CPXM2: variants seen among roughly 807,000 people sequenced by gnomAD.
CPXM2 encodes carboxypeptidase X, M14 family member 2, also known as inactive carboxypeptidase-like protein X2.
A neutral mutation model predicts 86.1 loss-of-function variants in CPXM2; 66 were observed. The ratio of observed to expected loss-of-function variants is 0.77; its 90% CI spans 0.63 to 0.94. CPXM2 has a LOEUF of 0.94. Among genes scored for constraint, CPXM2 ranks in the 40% least tolerant of loss-of-function variants. CPXM2 has a pLI of 0.00. For missense variants in CPXM2, 948 were observed against 1,026.3 expected, an observed-to-expected ratio of 0.92 and a Z score of 1.04; for synonymous variants, 388 against 400.2, an observed-to-expected ratio of 0.97 and a Z score of 0.36.
At chr10:123,789,224 C>A (rs989565655) in intron 6 of CPXM2, among the ~76,000 whole-genome samples, 16 of 152,220 alleles carry the variant, frequency 1.1e-4, no homozygotes. Context: ...CAGGCACAGC[C>A]TCACCTGATC....
At chr10:123,855,358 GA>G (rs1402088515) in intron 3 of CPXM2, among the ~76,000 whole-genome samples, 22 of 152,108 alleles carry the variant, frequency 1.4e-4, no homozygotes, top group Admixed American at 1.3e-4. Flanking sequence ...GCATAGCCAG[GA>G]AAAACAAAAA....
intron 4 of CPXM2, among the ~76,000 whole-genome samples, chr10:123,799,595 G>A (rs1847409132): frequency 6.6e-6 from 1 of 152,128 alleles, no homozygotes; most frequent in African/African-American, 2.4e-5. Context: ...AAATAATCTG[G>A]GTAAAGGTTG....
At chr10:123,751,216 G>A (rs1466549797) in intron 13 of CPXM2, 2 of 236,020 alleles carry the variant, frequency 8.5e-6, no homozygotes, top group Non-Finnish European at 1.4e-5. Context: ...AGAGATGTTT[G>A]TATTTATTTA....
chr10:123,929,592 G>A (rs1206146295), intron 2 of CPXM2, among the ~76,000 whole-genome samples: 1 of 152,192 alleles, frequency 6.6e-6, no homozygotes, highest in Non-Finnish European at 1.5e-5. Flanking sequence ...TTGGATCCCA[G>A]TGTAGAGTGG....
At chr10:123,782,182 A>G (rs1589993041) in intron 6 of CPXM2, among the ~76,000 whole-genome samples, 1 of 152,350 alleles carries the variant, frequency 6.6e-6, no homozygotes, top group Non-Finnish European at 1.5e-5. Flanking sequence ...ACCACACCTC[A>G]GGCAAGCTGC....
intron 4 of CPXM2, among the ~76,000 whole-genome samples, chr10:123,801,088 T>C (rs1475563629): frequency 1.3e-5 from 2 of 152,202 alleles, no homozygotes; most frequent in East Asian, 3.8e-4. Flanking sequence ...TCCTCCCTGA[T>C]ACGGTTTGGC....
At chr10:123,930,068 G>C (rs1046581045) in intron 2 of CPXM2, among the ~76,000 whole-genome samples, 1 of 152,130 alleles carries the variant, frequency 6.6e-6, no homozygotes, top group African/African-American at 2.4e-5. Context: ...CTCCACCCCT[G>C]TCTTCCACGC....
intron 2 of CPXM2, among the ~76,000 whole-genome samples, chr10:123,917,539 G>A (rs1945543600): frequency 6.6e-6 from 1 of 152,208 alleles, no homozygotes; most frequent in African/African-American, 2.4e-5. Flanking sequence ...AATAATAGAT[G>A]TAAAGCCTCA....
chr10:123,798,173 A>G lies in CPXM2; in HGVS notation c.739-47T>C, dbSNP rs201472332. 1.5e-5 allele frequency: 22 copies of G among 1,516,964 alleles called. No individual in the cohort carries two copies. The East Asian group carries it at 5.3e-4, about 36-fold the overall frequency. The allele number at this position is 1,516,964 out of a possible 1,614,324, so 94.0% of individuals were successfully genotyped here. A position where few individuals can be genotyped will look rare whatever the true frequency, so the allele number is the denominator to read the frequency against. ...AAGGAAAATCTTTTAGTGCTTAATTACCAAGGGATAAAAAGTCAGAATTCA... is the reference window on the plus strand; with the variant it reads ...AAGGAAAATCTTTTAGTGCTTAATTGCCAAGGGATAAAAAGTCAGAATTCA... On this transcript the variant is annotated intron_variant, in intron 5 of 13. Coordinates refer to ENST00000241305, the MANE Select transcript of CPXM2 (RefSeq NM_198148.3).
chr10:123,755,546 TACTAAAA>T (rs1846185569), intron 12 of CPXM2, among the ~76,000 whole-genome samples: 1 of 152,218 alleles, frequency 6.6e-6, no homozygotes, highest in Admixed American at 6.5e-5. Context: ...GAAACACATT[TACTAAAA>T]ACTGAAATTT....
chr10:123,818,216 A>G (rs1847852100), intron 4 of CPXM2, among the ~76,000 whole-genome samples: 3 of 152,328 alleles, frequency 2.0e-5, no homozygotes, highest in Admixed American at 1.3e-4. Flanking sequence ...ATCACTCAGC[A>G]TCTTTCCCCA....
chr10:123,832,090 G>A (rs1277596958), intron 4 of CPXM2, among the ~76,000 whole-genome samples: 1 of 152,144 alleles, frequency 6.6e-6, no homozygotes, highest in Non-Finnish European at 1.5e-5. Context: ...TATGACTATG[G>A]TGGTATAAAG....
chr10:123,765,648 A>G (rs1262364736), intron 10 of CPXM2, among the ~76,000 whole-genome samples: 2 of 152,234 alleles, frequency 1.3e-5, no homozygotes, highest in Admixed American at 6.5e-5. Context: ...TGGAAGACTC[A>G]GGGGCCTCCC....
In CPXM2 at chr10:123,885,972, C is replaced by T. The variant is rs910994327; in HGVS notation, c.304+5384G>A. Among the ~76,000 whole-genome samples the T allele has an allele frequency of 2.0e-5, 3 of 152,196 alleles. No homozygotes were observed. The highest frequency in any genetic ancestry group is 4.4e-5 in the Non-Finnish European group (3 of 68,032). On this transcript the variant is annotated intron_variant, in intron 1 of 13. Coordinates refer to ENST00000241305, the MANE Select transcript of CPXM2 (RefSeq NM_198148.3). The surrounding 1 kb of genome is among the most constrained non-coding windows in gnomAD (Gnocchi z 4.0). ...TGTGTCCTCCTTTATTATCCATGCG[C>T]GAGCCCTGGTTTCTGGAACCTTGGG...
chr10:123,766,465 T>TAAGA (rs1391674127), intron 10 of CPXM2, among the ~76,000 whole-genome samples: 1 of 152,176 alleles, frequency 6.6e-6, no homozygotes, highest in Non-Finnish European at 1.5e-5. Context: ...GGAAAGATAA[T>TAAGA]AAGAGGTATG....
chr10:123,916,112 C>A (rs1945532224), intron 2 of CPXM2, among the ~76,000 whole-genome samples: 1 of 152,134 alleles, frequency 6.6e-6, no homozygotes, highest in Non-Finnish European at 1.5e-5. Context: ...AATACCTGTG[C>A]AAACCCAAAT....
rs1454909615 is a variant in CPXM2, at chr10:123,862,665, G to C, written c.462C>G (p.Ser154=). 1 of 1,614,068 alleles carries C rather than the reference G, an allele frequency of 6.2e-7. No homozygotes were observed. Among genetic ancestry groups the C allele is most frequent in the African/African-American group, 1.3e-5 (1 of 74,904 alleles). Residue 154 remains serine (S), a synonymous_variant, in exon 3 of 14, where the codon TCC becomes TCG. Coordinates refer to ENST00000241305, the MANE Select transcript of CPXM2 (RefSeq NM_198148.3). ...LKITDFQLHA[S]TVKRYGLGAH... ...CCCCCAGGCCATAGCGCTTCACCGT[G>C]GAGGCATGGAGCTGGAAGTCTGTGA...
chr10:123,916,503 C>A (rs969984461), intron 2 of CPXM2, among the ~76,000 whole-genome samples: 22 of 152,168 alleles, frequency 1.4e-4, no homozygotes, highest in Admixed American at 3.3e-4. Flanking sequence ...CTATTCACTG[C>A]CATTGACCAG....
At chr10:123,873,150 T>C (rs1944920745) in intron 2 of CPXM2, among the ~76,000 whole-genome samples, 1 of 152,184 alleles carries the variant, frequency 6.6e-6, no homozygotes, top group African/African-American at 2.4e-5. Context: ...TTACGATTTA[T>C]ACTTAAATAT....
Sources: allele counts gnomAD v4.1 joint callset (sites outside exome capture counted in the v4.1 genomes callset), GRCh38; gene constraint gnomAD v4.1.1; non-coding constraint Gnocchi (gnomAD v3.1); transcripts MANE v1.5; gene names NCBI Gene and HGNC (gene_info 2026-07-23, HGNC 2026-07-21).